The following MGAT4C variants were observed in gnomAD, a reference collection of about 807,000 sequenced individuals.
The protein encoded by MGAT4C is MGAT4 family member C, also known as alpha-1,3-mannosyl-glycoprotein 4-beta-N-acetylglucosaminyltransferase C.
Under a neutral mutation model 40.1 loss-of-function variants are expected in MGAT4C, and 19 were observed. The ratio of observed to expected loss-of-function variants is 0.47; its 90% CI spans 0.33 to 0.70. The LOEUF is 0.70. MGAT4C is among the 30% of genes least tolerant of loss of function. MGAT4C has a pLI of 0.02. For synonymous variants in MGAT4C, 181 were observed against 187.1 expected (o/e 0.97, Z 0.27); for missense variants, 491 against 563.2 (o/e 0.87, Z 1.30).
intron 1 of MGAT4C, among the ~76,000 whole-genome samples, chr12:86,062,243 A>G (rs1894062181): frequency 6.6e-6 from 1 of 152,184 alleles, no homozygotes; most frequent in African/African-American, 2.4e-5. Context: ...ACGGTCTGGA[A>G]TGGCCCTCCA....
At chr12:86,775,662 A>G (rs1028625014) in intron 1 of MGAT4C, among the ~76,000 whole-genome samples, 1 of 151,630 alleles carries the variant, frequency 6.6e-6, no homozygotes, top group Non-Finnish European at 1.5e-5. Flanking sequence ...GTTAAAAAAA[A>G]GGTCTCACAG....
At chr12:86,326,512 T>C (rs1246396471) in intron 4 of MGAT4C, among the ~76,000 whole-genome samples, 2 of 152,158 alleles carry the variant, frequency 1.3e-5, no homozygotes, top group Non-Finnish European at 2.9e-5. Flanking sequence ...AATAAAGCAT[T>C]ATAAGACTTA....
chr12:85,957,747 T>G lies in MGAT4C; in HGVS notation c.*21542A>C, dbSNP rs977531881. 2 of 150,906 alleles carry G rather than the reference T, an allele frequency of 1.3e-5. No individual in the cohort carries two copies. The highest frequency in any genetic ancestry group is 2.4e-5 in the African/African-American group (1 of 41,012). The allele number at this position is 150,906 out of a possible 1,614,324, so 9.3% of individuals were successfully genotyped here. On this transcript the variant is annotated 3_prime_UTR_variant, in exon 5 of 5. Coordinates refer to ENST00000611864, the MANE Select transcript of MGAT4C (RefSeq NM_001351288.2). Reference sequence around the variant, plus strand: ...CAGATCATATGGTAAAAATACAAACTGAACTCCTTCAGCTAAGGGGTTAAT... The same window carrying G: ...CAGATCATATGGTAAAAATACAAACGGAACTCCTTCAGCTAAGGGGTTAAT...
At chr12:86,774,281 C>CTTTCTTTCTTTCTTCCTTTCTT (rs1951692302) in intron 1 of MGAT4C, among the ~76,000 whole-genome samples, 5 of 58,934 alleles carry the variant, frequency 8.5e-5, no homozygotes, top group African/African-American at 3.2e-4. Flanking sequence ...CTAAGGCTTG[C>CTTTCTTTCTTTCTTCCTTTCTT]TCTTTCTTTC....
At chr12:86,134,107 T>C (rs1462021520) in intron 1 of MGAT4C, among the ~76,000 whole-genome samples, 1 of 152,128 alleles carries the variant, frequency 6.6e-6, no homozygotes, top group Non-Finnish European at 1.5e-5. Flanking sequence ...AATTCTATGT[T>C]ACTCATAAAT....
At chr12:86,171,493 A>G (rs1886846948) in intron 1 of MGAT4C, among the ~76,000 whole-genome samples, 1 of 152,206 alleles carries the variant, frequency 6.6e-6, no homozygotes, top group Non-Finnish European at 1.5e-5. Context: ...CCCCTTCACA[A>G]ATAGTAAGTG....
chr12:86,100,351 A>C (rs1211132130), intron 1 of MGAT4C, among the ~76,000 whole-genome samples: 1 of 151,490 alleles, frequency 6.6e-6, no homozygotes, highest in Non-Finnish European at 1.5e-5. Context: ...GATAATTTAG[A>C]ATTCCTACAA....
chr12:86,696,081 G>A lies in MGAT4C; in HGVS notation c.-229+31128C>T, dbSNP rs1487878739. Reference sequence around the variant, plus strand: ...AAAAAAATTAGCTGGGCGTGGTGGTGCGCACCTGTATTCCCAACTACTGGG... The same window carrying A: ...AAAAAAATTAGCTGGGCGTGGTGGTACGCACCTGTATTCCCAACTACTGGG... On this transcript the variant is annotated intron_variant, in intron 2 of 7. Coordinates refer to the MGAT4C transcript ENST00000548651. 2.0e-5 allele frequency among the ~76,000 whole-genome samples: 3 copies of A among 151,862 alleles called. No individual in the cohort carries two copies. In the East Asian group the frequency reaches 5.8e-4, roughly 29 times the overall value.
At chr12:86,771,206 T>C (rs952036124) in intron 1 of MGAT4C, among the ~76,000 whole-genome samples, 7 of 152,132 alleles carry the variant, frequency 4.6e-5, no homozygotes, top group Non-Finnish European at 8.8e-5. Flanking sequence ...CACCATGATC[T>C]CAGACTCCTA....
chr12:86,424,662 G>A (rs961761623), intron 3 of MGAT4C, among the ~76,000 whole-genome samples: 1 of 152,104 alleles, frequency 6.6e-6, no homozygotes, highest in Admixed American at 6.6e-5. Context: ...TACTTATATA[G>A]AGCTTAATCT....
At chr12:86,686,627 T>C (rs1047953467) in intron 2 of MGAT4C, among the ~76,000 whole-genome samples, 1 of 152,232 alleles carries the variant, frequency 6.6e-6, no homozygotes, top group African/African-American at 2.4e-5. Context: ...GTGTCCGTGA[T>C]GGACTATGTT....
intron 2 of MGAT4C, among the ~76,000 whole-genome samples, chr12:86,689,677 C>T: frequency 6.6e-6 from 1 of 152,162 alleles, no homozygotes; most frequent in East Asian, 1.9e-4. Context: ...CCTTCTTCTT[C>T]CTCTGAAAGC....
At chr12:86,104,259 TTA>T (rs1491555769) in intron 1 of MGAT4C, among the ~76,000 whole-genome samples, 2 of 89,804 alleles carry the variant, frequency 2.2e-5, no homozygotes, top group Non-Finnish European at 5.0e-5. Flanking sequence ...CCGTCTCTAC[TTA>T]AAAAAAAAAA....
At chr12:86,389,236 C>T (rs1956120086) in intron 3 of MGAT4C, among the ~76,000 whole-genome samples, 1 of 152,026 alleles carries the variant, frequency 6.6e-6, no homozygotes, top group South Asian at 2.1e-4. Context: ...TGTTGTTTTC[C>T]TCTACGTGTC....
In MGAT4C at chr12:86,038,454, A is replaced by G. The variant is rs1307925555; in HGVS notation, c.-7+11220T>C. Among the ~76,000 whole-genome samples, 7 of 149,984 alleles carry G rather than the reference A, an allele frequency of 4.7e-5. 1 individual carries two copies. The highest frequency in any genetic ancestry group is 1.0e-4 in the Non-Finnish European group (7 of 66,882). The stretch of plus-strand genomic sequence containing the variant: ...TATTGGGTGCATATATATTTAGGAT[A>G]GTTAGCTCTTCCTGTTGCATTGATC... On this transcript the variant is annotated intron_variant, in intron 2 of 4. Transcript: ENST00000611864.
At position 85,957,633 on chromosome 12, in the gene MGAT4C, T is replaced by C. The variant is rs901556280; in HGVS notation, c.*21656A>G. ...GTCAAATAAAACCACAGATTTTCTT[T>C]TACTGTAGAGTTGAATAAGAAAGCA... On this transcript the variant is annotated 3_prime_UTR_variant, in exon 5 of 5. Transcript: ENST00000611864. The C allele has an allele frequency of 1.4e-5, 2 of 142,744 alleles. No individual in the cohort carries two copies. The highest frequency in any genetic ancestry group is 1.5e-5 in the Non-Finnish European group (1 of 66,038). The allele number at this position is 142,744 out of a possible 1,614,324, so 8.8% of individuals were successfully genotyped here.
chr12:86,358,160 G>T (rs1403966300), intron 3 of MGAT4C, among the ~76,000 whole-genome samples: 3 of 152,208 alleles, frequency 2.0e-5, no homozygotes, highest in Admixed American at 6.5e-5. Context: ...CCAGAAGAGA[G>T]TGGGGGCCAA....
At chr12:86,108,498 A>C (rs1220765896) in intron 1 of MGAT4C, among the ~76,000 whole-genome samples, 4 of 152,126 alleles carry the variant, frequency 2.6e-5, no homozygotes, top group Non-Finnish European at 4.4e-5. Flanking sequence ...CTCAGCTTAC[A>C]AAGGCTGACT....
intron 2 of MGAT4C, among the ~76,000 whole-genome samples, chr12:86,667,137 A>C (rs1964130689): frequency 6.6e-6 from 1 of 152,204 alleles, no homozygotes; most frequent in East Asian, 1.9e-4. Context: ...TATTCATGGA[A>C]GAAATTTTGT....
Sources: allele counts gnomAD v4.1 joint callset (sites outside exome capture counted in the v4.1 genomes callset), GRCh38; gene constraint gnomAD v4.1.1; transcripts MANE v1.5; gene names NCBI Gene and HGNC (gene_info 2026-07-23, HGNC 2026-07-21).